The following FCHO2 variants were observed in gnomAD, a reference collection of about 807,000 sequenced individuals.
The protein encoded by FCHO2 is FCH and mu domain containing endocytic adaptor 2, also known as F-BAR domain only protein 2.
FCHO2 carries 43 observed loss-of-function variants against 114.1 expected under a neutral mutation model. The ratio of observed to expected loss-of-function variants is 0.38; its 90% CI spans 0.30 to 0.49. The LOEUF is 0.49. Ranked by LOEUF, FCHO2 falls within the 20% of genes least tolerant of loss-of-function variation. FCHO2 has a pLI of 0.97. For synonymous variants in FCHO2, 293 were observed against 315.2 expected (o/e 0.93, Z 0.75); for missense variants, 807 against 950.4 (o/e 0.85, Z 1.98).
At chr5:72,999,825 A>G (rs1311813661) in intron 5 of FCHO2, among the ~76,000 whole-genome samples, 1 of 152,182 alleles carries the variant, frequency 6.6e-6, no homozygotes, top group Non-Finnish European at 1.5e-5. Context: ...TTGGTAGTAT[A>G]TTAATTTATA....
chr5:73,063,808 T>C (rs1314451647), intron 17 of FCHO2, 33 bp from the exon 18 acceptor site: 1 of 1,576,548 alleles, frequency 6.3e-7, no homozygotes, highest in Admixed American at 1.7e-5. Context: ...ATACTAATGA[T>C]TTTCTTCAAA....
chr5:73,028,398 A>G (rs1474737486), intron 8 of FCHO2, among the ~76,000 whole-genome samples: 1 of 152,166 alleles, frequency 6.6e-6, no homozygotes, highest in Non-Finnish European at 1.5e-5. Context: ...AAAAGGAAAT[A>G]TATGTGCAAA....
intron 11 of FCHO2, among the ~76,000 whole-genome samples, chr5:73,049,712 G>A (rs1757252725): frequency 6.6e-6 from 1 of 152,102 alleles, no homozygotes; most frequent in African/African-American, 2.4e-5. Flanking sequence ...ACCCCTTCTT[G>A]AAGCTGTTAA....
chr5:72,984,797 T>A (rs1382130919), intron 2 of FCHO2, among the ~76,000 whole-genome samples: 1 of 152,020 alleles, frequency 6.6e-6, no homozygotes, highest in East Asian at 1.9e-4. Context: ...CATGCCCAGC[T>A]AATTTTTGTA....
chr5:73,029,372 G>A (rs556972750), intron 8 of FCHO2, among the ~76,000 whole-genome samples: 3 of 152,282 alleles, frequency 2.0e-5, no homozygotes, highest in South Asian at 4.1e-4. Flanking sequence ...GTCAAAATGT[G>A]TATGTAAGAG....
At chr5:72,979,265 A>G (rs910149672) in intron 2 of FCHO2, among the ~76,000 whole-genome samples, 10 of 148,600 alleles carry the variant, frequency 6.7e-5, no homozygotes, top group African/African-American at 2.5e-5. Context: ...TTGGTAGGCT[A>G]TTAATTACTG....
At chr5:73,014,381 C>T (rs765500481) in intron 6 of FCHO2, among the ~76,000 whole-genome samples, 9 of 151,452 alleles carry the variant, frequency 5.9e-5, no homozygotes, top group Admixed American at 1.3e-4. Context: ...CCCTGCCTCC[C>T]GGGTTCAAGC....
At chr5:73,034,425 T>C (rs1164171168) in intron 8 of FCHO2, 1 of 382,486 alleles carries the variant, frequency 2.6e-6, no homozygotes, top group Non-Finnish European at 4.6e-6. Flanking sequence ...AGTAAATTAT[T>C]GTGATCATAA....
chr5:73,029,907 G>C (rs753124722), intron 8 of FCHO2, among the ~76,000 whole-genome samples: 1 of 152,142 alleles, frequency 6.6e-6, no homozygotes, highest in Non-Finnish European at 1.5e-5. Flanking sequence ...CGTGGGAATC[G>C]CATTTCCACA....
At chr5:72,981,147 G>C (rs1323259193) in intron 2 of FCHO2, among the ~76,000 whole-genome samples, 2 of 152,032 alleles carry the variant, frequency 1.3e-5, no homozygotes, top group African/African-American at 4.8e-5. Context: ...TGGTGGTGAT[G>C]AAATCTCTCA....
At chr5:73,026,129 G>C (rs1217989405) in intron 8 of FCHO2, among the ~76,000 whole-genome samples, 1 of 152,106 alleles carries the variant, frequency 6.6e-6, no homozygotes, top group Non-Finnish European at 1.5e-5. Flanking sequence ...GAGGTAGAGA[G>C]ACCACTGCAT....
intron 19 of FCHO2, 109 bp downstream of exon 19, chr5:73,068,888 T>C (rs1742496085): frequency 7.6e-7 from 1 of 1,319,548 alleles, no homozygotes; most frequent in Non-Finnish European, 1.0e-6. Flanking sequence ...ATTATAAATT[T>C]TGTTTTTCTG....
intron 1 of FCHO2, among the ~76,000 whole-genome samples, chr5:72,964,587 C>T (rs1752079227): frequency 6.6e-6 from 1 of 152,068 alleles, no homozygotes; most frequent in Non-Finnish European, 1.5e-5. Context: ...GGGGTTTCAC[C>T]ATGTTGGCCA....
chr5:73,051,717 C>T (rs1757348354), intron 12 of FCHO2, among the ~76,000 whole-genome samples: 2 of 151,880 alleles, frequency 1.3e-5, no homozygotes, highest in African/African-American at 4.8e-5. Context: ...CAGGCATGCG[C>T]ACCATGCCTG....
rs1561454848 is a variant in FCHO2, at chr5:73,021,298, A to G, written c.796+3990A>G. 1.7e-5 allele frequency: 8 copies of G among 482,808 alleles called. No individual in the cohort carries two copies. The East Asian group carries it at 1.8e-4, about 11-fold the overall frequency. 29.9% of individuals were successfully genotyped at this position (482,808 alleles called of 1,614,324 possible). A position where few individuals can be genotyped will look rare whatever the true frequency, so the allele number is the denominator to read the frequency against. On this transcript the variant is annotated intron_variant, in intron 8 of 25. Coordinates refer to ENST00000430046, the MANE Select transcript of FCHO2 (RefSeq NM_138782.3). ...AACCCATCACCACTGGGGAGCTCCT[A>G]TGGGTGCAGCGGTGCCAGAAGTGAT...
At chr5:73,085,272 A>T (rs998622677) in intron 24 of FCHO2, among the ~76,000 whole-genome samples, 1 of 151,176 alleles carries the variant, frequency 6.6e-6, no homozygotes, top group African/African-American at 2.4e-5. Context: ...TTGTTTGAAC[A>T]CGGGAGGTGG....
intron 1 of FCHO2, among the ~76,000 whole-genome samples, chr5:72,964,196 C>T (rs1274070065): frequency 6.6e-6 from 1 of 151,912 alleles, no homozygotes; most frequent in Non-Finnish European, 1.5e-5. Context: ...ATTTAGATAG[C>T]TTTAAGGATT....
intron 22 of FCHO2, among the ~76,000 whole-genome samples, chr5:73,079,738 T>G (rs1384339464): frequency 1.3e-5 from 2 of 152,186 alleles, no homozygotes; most frequent in African/African-American, 4.8e-5. Context: ...AATGCAATGA[T>G]TGTGGATGCA....
chr5:72,997,234 A>G (rs1754167487), intron 5 of FCHO2: 4 of 1,150,458 alleles, frequency 3.5e-6, no homozygotes, highest in Non-Finnish European at 5.2e-6. Flanking sequence ...GTTTCTTTGT[A>G]CATTAGAGGC....
Sources: gnomAD v4.1 joint callset for allele counts (sites outside exome capture counted in the v4.1 genomes callset) on GRCh38, gnomAD v4.1.1 for gene constraint, MANE v1.5 for transcripts, NCBI Gene and HGNC (gene_info 2026-07-23, HGNC 2026-07-21) for gene names.